The following TBX2 variants were observed in gnomAD, a reference collection of about 807,000 sequenced individuals.
TBX2 encodes the protein T-box transcription factor 2, also known as T-box transcription factor TBX2.
A neutral mutation model predicts 48.4 loss-of-function variants in TBX2; 19 were observed. The observed-to-expected ratio is 0.39, with a 90% confidence interval of 0.27 to 0.58. TBX2 has a LOEUF of 0.58. Ranked by LOEUF, TBX2 falls within the 20% of genes least tolerant of loss-of-function variation. The pLI, the probability that TBX2 is intolerant of heterozygous loss-of-function variation, is 0.54. For missense variants in TBX2, 994 were observed against 1,006.5 expected (o/e 0.99, Z 0.17); for synonymous variants, 522 against 459.7 (o/e 1.14, Z -1.73).
At position 61,405,808 on chromosome 17, in the gene TBX2, A is replaced by T; in HGVS notation, c.1658A>T (p.His553Leu). ...AGCACCGCCGCGCCCTTCCCGTTCCACCTCTCCCAGCACATGCTGGCATCT... is the reference window on the plus strand; with the variant it reads ...AGCACCGCCGCGCCCTTCCCGTTCCTCCTCTCCCAGCACATGCTGGCATCT... ...AASTAAPFPF[H>L]LSQHMLASQG... Residue 553 changes from histidine to leucine, a missense_variant, in exon 6 of 7, where the codon CAC becomes CTC. His to Leu is a moderately conservative substitution (Grantham distance 99). Transcript: ENST00000240328. 7.5e-7 allele frequency: 1 copy of T among 1,324,930 alleles called. No homozygotes were observed. Among genetic ancestry groups the T allele is most frequent in the South Asian group, 2.5e-5 (1 of 39,892 alleles). 82.1% of individuals were successfully genotyped at this position (1,324,930 alleles called of 1,614,324 possible).
At chr17:61,404,098 G>T (rs1037306969) in intron 3 of TBX2, among the ~76,000 whole-genome samples, 1 of 152,224 alleles carries the variant, frequency 6.6e-6, no homozygotes, top group African/African-American at 2.4e-5. Flanking sequence ...GTGCGGAGTC[G>T]TTTAACTTGC....
rs758801164 is a variant in TBX2, at chr17:61,403,016, G to A, written c.664-45G>A. 2.0e-5 allele frequency: 31 copies of A among 1,560,464 alleles called. No homozygotes were observed. The highest frequency in any genetic ancestry group is 2.2e-5 in the Non-Finnish European group (25 of 1,159,616). On this transcript the variant is annotated intron_variant, in intron 2 of 6. Coordinates refer to ENST00000240328, the MANE Select transcript of TBX2 (RefSeq NM_005994.4). The surrounding 1 kb of genome is among the most constrained non-coding windows in gnomAD (Gnocchi z 5.8). ...AGGTACCCAAAGAATAGAAAAGCTC[G>A]GGCCGGGGCTGGTGGCTGCCGGCTG...
rs773427151 is a variant in TBX2 at position 61,403,064 on chromosome 17, A to G, written c.667A>G (p.Ile223Val). Residue 223 changes from isoleucine to valine, a missense_variant, in exon 3 of 7, where the codon ATC becomes GTC. Coordinates refer to ENST00000240328, the MANE Select transcript of TBX2 (RefSeq NM_005994.4). The surrounding 1 kb of genome is among the most constrained non-coding windows in gnomAD (Gnocchi z 5.8). Reference sequence around the variant, plus strand: ...CTGACCCCCACCCTCCCCGCAGACCATCCTAAACTCCATGCACAAGTACCA... The same window carrying G: ...CTGACCCCCACCCTCCCCGCAGACCGTCCTAAACTCCATGCACAAGTACCA... ...NNISDKHGFT[I>V]LNSMHKYQPR... is the part of the protein sequence containing the mutation. 5.6e-6 allele frequency: 9 copies of G among 1,611,390 alleles called. No homozygotes were observed. Among genetic ancestry groups the G allele is most frequent in the Non-Finnish European group, 6.8e-6 (8 of 1,179,442 alleles).
intron 2 of TBX2, 90 bp from the exon 3 acceptor site, chr17:61,402,970 GA>G (rs36159117): frequency 0.033 from 3,310 of 100,854 alleles, 517 homozygotes; most frequent in African/African-American, 0.17. Flanking sequence ...GAGAGAGAGA[GA>G]AAGTGGAGAG....
Position 61,404,402 on chromosome 17 carries a change from G to T in TBX2, c.811-19G>T, listed in dbSNP as rs938610873. 1.3e-5 allele frequency: 21 copies of T among 1,591,752 alleles called. No homozygotes were observed. The highest frequency in any genetic ancestry group is 3.5e-5 in the Admixed American group (2 of 57,686). ...AAGAGCCACGGCCTGACTTAGCGCC[G>T]CCCCCTTGGTCCCCGCAGATCACAC... is the stretch of plus-strand genomic sequence containing the variant. On this transcript the variant is annotated intron_variant, in intron 3 of 6. Transcript: ENST00000240328.
rs1285582754 is a variant in TBX2 at position 61,403,386 on chromosome 17, C to G, written c.810+179C>G. On this transcript the variant is annotated intron_variant, in intron 3 of 6. Transcript: ENST00000240328. This position sits in a 1 kb window ranked among gnomAD's most constrained non-coding sequence, Gnocchi z 5.8. Reference sequence around the variant, plus strand: ...AGCACTCACGGAAGTCCTCAAGGCGCCCTCTCAATCCCACCGCGCGCACAC... The same window carrying G: ...AGCACTCACGGAAGTCCTCAAGGCGGCCTCTCAATCCCACCGCGCGCACAC... Among the ~76,000 whole-genome samples the G allele has an allele frequency of 6.6e-6, 1 of 152,230 alleles. No homozygotes were observed. The highest frequency in any genetic ancestry group is 1.5e-5 in the Non-Finnish European group (1 of 68,030).
Position 61,405,407 on chromosome 17 carries a change from G to A in TBX2, c.1257G>A (p.Leu419=). The A allele has an allele frequency of 6.5e-7, 1 of 1,541,972 alleles. No individual in the cohort carries two copies. Among genetic ancestry groups the A allele is most frequent in the South Asian group, 1.2e-5 (1 of 83,734 alleles). Reference sequence around the variant, plus strand: ...GCGGCGGGGACGGCCCGTTCGGCCTGAGGAGCCTGGAGAAGGAGCGCGCCG... The same window carrying A: ...GCGGCGGGGACGGCCCGTTCGGCCTAAGGAGCCTGGAGAAGGAGCGCGCCG... ...AESGGDGPFG[L]RSLEKERAEA... is the part of the protein sequence containing the mutation. The change falls in exon 6 of 7, where the codon CTG becomes CTA. Residue 419 remains leucine (L), a synonymous_variant. Coordinates refer to ENST00000240328, the MANE Select transcript of TBX2 (RefSeq NM_005994.4).
Position 61,400,227 on chromosome 17 carries a change from C to G in TBX2, c.51C>G (p.His17Gln). The change falls in exon 1 of 7, where the codon CAC becomes CAG. Residue 17 changes from histidine (H) to glutamine (Q), a missense_variant. Coordinates refer to ENST00000240328, the MANE Select transcript of TBX2 (RefSeq NM_005994.4). The surrounding 1 kb of genome is among the most constrained non-coding windows in gnomAD (Gnocchi z 9.2). ...GCGCCATGGCTTACCACCCGTTCCA[C>G]GCGCCACGGCCCGCCGACTTCCCCA... ...AASAMAYHPF[H>Q]APRPADFPMS... 8.2e-7 allele frequency: 1 copy of G among 1,219,970 alleles called. No homozygotes were observed. Among genetic ancestry groups the G allele is most frequent in the Non-Finnish European group, 1.0e-6 (1 of 954,370 alleles). The allele number at this position is 1,219,970 out of a possible 1,614,324, so 75.6% of individuals were successfully genotyped here.
chr17:61,400,195 G>T lies in TBX2; in HGVS notation c.19G>T (p.Ala7Ser). 1 of 1,151,706 alleles carries T rather than the reference G, an allele frequency of 8.7e-7. No individual in the cohort carries two copies. Among genetic ancestry groups the T allele is most frequent in the Non-Finnish European group, 1.1e-6 (1 of 920,880 alleles). The allele number at this position is 1,151,706 out of a possible 1,614,324, so 71.3% of individuals were successfully genotyped here. A position where few individuals can be genotyped will look rare whatever the true frequency, so the allele number is the denominator to read the frequency against. The change falls in exon 1 of 7, where the codon GCG (alanine) becomes TCG (serine). Residue 7 changes from alanine to serine, a missense_variant. Around this residue, in one of 5 missense-constraint regions of TBX2, gnomAD observed 165 missense variants for 136.8 expected, o/e 1.21. Transcript: ENST00000240328. This position sits in a 1 kb window ranked among gnomAD's most constrained non-coding sequence, Gnocchi z 9.2. MREPAL[A>S]ASAMAYHPFH... Reference sequence around the variant, plus strand: ...TGTCCCGATGAGAGAGCCGGCGCTGGCGGCCAGCGCCATGGCTTACCACCC... The same window carrying T: ...TGTCCCGATGAGAGAGCCGGCGCTGTCGGCCAGCGCCATGGCTTACCACCC...
Position 61,408,210 on chromosome 17 carries a change from G to A in TBX2, c.1843G>A (p.Ala615Thr). The change falls in exon 7 of 7, where the codon GCC (alanine) becomes ACC (threonine). Residue 615 changes from alanine to threonine, a missense_variant. By Grantham distance (58) the Ala-to-Thr change is moderately conservative. Transcript: ENST00000240328. ...SLSRSPFLGSARPRLRFSPYQ... is the reference protein window; with the variant it reads ...SLSRSPFLGSTRPRLRFSPYQ... The stretch of plus-strand genomic sequence containing the variant: ...CTCCCGGAGCCCCTTCCTGGGCAGT[G>A]CCCGGCCCCGACTGCGTTTCAGCCC... 2 of 1,612,866 alleles carry A rather than the reference G, an allele frequency of 1.2e-6. No homozygotes were observed. Among genetic ancestry groups the A allele is most frequent in the Non-Finnish European group, 8.5e-7 (1 of 1,179,892 alleles).
Position 61,405,584 on chromosome 17 carries a change from G to A in TBX2, c.1434G>A (p.Gln478=), listed in dbSNP as rs756353877. ...LAFSSHLHGQ[Q]FFGPLGAGQP... Reference sequence around the variant, plus strand: ...TTTCCAGCCACTTGCACGGGCAGCAGTTCTTTGGGCCGCTGGGAGCCGGCC... The same window carrying A: ...TTTCCAGCCACTTGCACGGGCAGCAATTCTTTGGGCCGCTGGGAGCCGGCC... The change falls in exon 6 of 7, where the codon CAG becomes CAA. Residue 478 remains glutamine (Q), a synonymous_variant. Coordinates refer to ENST00000240328, the MANE Select transcript of TBX2 (RefSeq NM_005994.4). 6.3e-7 allele frequency: 1 copy of A among 1,599,858 alleles called. No homozygotes were observed. The highest frequency in any genetic ancestry group is 8.5e-7 in the Non-Finnish European group (1 of 1,176,980).
rs531806258 is a variant in TBX2, at chr17:61,405,368, G to A, written c.1218G>A (p.Lys406=). The change falls in exon 6 of 7, where the codon AAG becomes AAA. Residue 406 remains lysine, a synonymous_variant. Coordinates refer to ENST00000240328, the MANE Select transcript of TBX2 (RefSeq NM_005994.4). ...ARERRSPERG[K]EPAESGGDGP... is the part of the protein sequence containing the mutation. ...AGCGGCGTAGTCCCGAGAGGGGCAA[G>A]GAGCCGGCCGAGAGCGGCGGGGACG... The A allele has an allele frequency of 1.8e-5, 28 of 1,547,600 alleles. No individual in the cohort carries two copies. The African/African-American group carries it at 3.1e-4, about 17-fold the overall frequency.
rs747185970 is a variant in TBX2 at position 61,401,850 on chromosome 17, A to G, written c.562A>G (p.Ile188Val). The change falls in exon 2 of 7, where the codon ATC (isoleucine) becomes GTC (valine). Residue 188 changes from isoleucine (I) to valine (V), a missense_variant. Transcript: ENST00000240328. ...ADPEMPKRMY[I>V]HPDSPATGEQ... The stretch of plus-strand genomic sequence containing the variant: ...CCCTGAGATGCCCAAACGCATGTAC[A>G]TCCACCCAGACAGCCCAGCCACGGG... 2 of 1,613,050 alleles carry G rather than the reference A, an allele frequency of 1.2e-6. No individual in the cohort carries two copies. The highest frequency in any genetic ancestry group is 2.2e-5 in the South Asian group (2 of 91,088).
intron 1 of TBX2, among the ~76,000 whole-genome samples, chr17:61,401,459 G>T (rs1351428903): frequency 6.6e-6 from 1 of 152,202 alleles, no homozygotes; most frequent in Non-Finnish European, 1.5e-5. Context: ...CCTAAAGGAG[G>T]CTGTTTAGGA....
rs1162880145 is a variant in TBX2 at position 61,405,265 on chromosome 17, C to T, written c.1115C>T (p.Ala372Val). 7 of 1,569,660 alleles carry T rather than the reference C, an allele frequency of 4.5e-6. No individual in the cohort carries two copies. The Admixed American group carries it at 8.9e-5, about 20-fold the overall frequency. Reference protein sequence around the residue: ...PEPERLSEERAGAPLGRSPAP... With the variant: ...PEPERLSEERVGAPLGRSPAP... ...CCTGAGCGGTTGAGCGAGGAGCGTG[C>T]GGGGGCGCCGCTAGGCCGCAGCCCG... The change falls in exon 6 of 7, where the codon GCG becomes GTG. Residue 372 changes from alanine (A) to valine (V), a missense_variant. By Grantham distance (64) the Ala-to-Val change is moderately conservative. Coordinates refer to ENST00000240328, the MANE Select transcript of TBX2 (RefSeq NM_005994.4).
rs1325540394 is a variant in TBX2, at chr17:61,404,786, A to G, written c.1051+17A>G. On this transcript the variant is annotated intron_variant, in intron 5 of 6. Coordinates refer to ENST00000240328, the MANE Select transcript of TBX2 (RefSeq NM_005994.4). Reference sequence around the variant, plus strand: ...GGGCCCGAGGTGAGGGTCGGACCGGAGGAGGGACAGGGAGGTGGCGGCGGG... The same window carrying G: ...GGGCCCGAGGTGAGGGTCGGACCGGGGGAGGGACAGGGAGGTGGCGGCGGG... The G allele has an allele frequency of 3.3e-6, 5 of 1,529,996 alleles. No homozygotes were observed. Among genetic ancestry groups the G allele is most frequent in the Non-Finnish European group, 4.4e-6 (5 of 1,141,666 alleles). 94.8% of individuals were successfully genotyped at this position (1,529,996 alleles called of 1,614,324 possible).
At position 61,405,020 on chromosome 17, in the gene TBX2, G is replaced by T. The variant is rs115936592; in HGVS notation, c.1052-182G>T. 5,422 of 1,364,144 alleles carry T rather than the reference G, an allele frequency of 4.0e-3. 146 individuals are homozygous for T. The African/African-American group carries it at 0.062, about 16-fold the overall frequency. The allele number at this position is 1,364,144 out of a possible 1,614,324, so 84.5% of individuals were successfully genotyped here. A position where few individuals can be genotyped will look rare whatever the true frequency, so the allele number is the denominator to read the frequency against. The stretch of plus-strand genomic sequence containing the variant: ...CTATAGCTGTAGGGTTTCCTCTCCA[G>T]GGCTGGGTTCCTTCCACTGTAAATC... On this transcript the variant is annotated intron_variant, in intron 5 of 6. Transcript: ENST00000240328.
intron 1 of TBX2, 97 bp from the exon 2 acceptor site, chr17:61,401,587 G>A: frequency 6.8e-7 from 1 of 1,467,364 alleles, no homozygotes; most frequent in Non-Finnish European, 9.1e-7. Flanking sequence ...GGCGGCAGCG[G>A]TGTGCGCAAC....
rs1031103582 is a variant in TBX2 at position 61,400,368 on chromosome 17, G to T, written c.192G>T (p.Ala64=). 2.8e-6 allele frequency: 3 copies of T among 1,060,752 alleles called. No individual in the cohort carries two copies. Among genetic ancestry groups the T allele is most frequent in the South Asian group, 8.7e-5 (2 of 23,022 alleles). 65.7% of individuals were successfully genotyped at this position (1,060,752 alleles called of 1,614,324 possible). ...GCCTGGCGGGGGCGGCGGCCGCGGC[G>T]GCGGCGGCGGCAGCAGCGGCCGAGG... ...DPGLAGAAAA[A]AAAAAAAEAG... is the part of the protein sequence containing the mutation. Residue 64 remains alanine (A), a synonymous_variant, in exon 1 of 7, where the codon GCG becomes GCT. Coordinates refer to ENST00000240328, the MANE Select transcript of TBX2 (RefSeq NM_005994.4). The surrounding 1 kb of genome is among the most constrained non-coding windows in gnomAD (Gnocchi z 9.2).
Sources: gnomAD v4.1 joint callset for allele counts (sites outside exome capture counted in the v4.1 genomes callset) on GRCh38, gnomAD v4.1.1 for gene constraint, gnomAD v4.1.1 regional missense constraint, Gnocchi (gnomAD v3.1) non-coding constraint, MANE v1.5 for transcripts, NCBI Gene and HGNC (gene_info 2026-07-23, HGNC 2026-07-21) for gene names.